STIM1: variants seen among roughly 807,000 people sequenced by gnomAD.
STIM1 encodes the protein stromal interaction molecule 1.
Under a neutral mutation model 74.7 loss-of-function variants are expected in STIM1, and 25 were observed. That is an observed-to-expected ratio of 0.33 (90% confidence interval 0.24 to 0.47). STIM1 has a LOEUF of 0.47. Among genes scored for constraint, STIM1 ranks in the 20% least tolerant of loss-of-function variants. STIM1 has a pLI of 1.00. For synonymous variants in STIM1, 328 were observed against 348.8 expected (o/e 0.94, Z 0.66); for missense variants, 728 against 920.8 (o/e 0.79, Z 2.71).
intron 12 of STIM1, 49 bp from the exon 13 acceptor site, chr11:4,091,233 C>T (rs1284886740): frequency 6.8e-6 from 11 of 1,612,762 alleles, no homozygotes; most frequent in Non-Finnish European, 7.6e-6. Flanking sequence ...TCCCCTATCA[C>T]CTCATCCAAT....
chr11:3,896,797 A>T (rs1212453664), intron 1 of STIM1, among the ~76,000 whole-genome samples: 2 of 152,172 alleles, frequency 1.3e-5, no homozygotes, highest in Non-Finnish European at 2.9e-5. Flanking sequence ...GGGTCTCATC[A>T]CTATAGTACT....
intron 2 of STIM1, among the ~76,000 whole-genome samples, chr11:3,984,849 C>T (rs1392788880): frequency 6.6e-6 from 1 of 152,116 alleles, no homozygotes; most frequent in Admixed American, 6.5e-5. Flanking sequence ...GTGAGAGACA[C>T]AATTATGTAA....
intron 5 of STIM1, among the ~76,000 whole-genome samples, chr11:4,068,009 G>C (rs376582273): frequency 6.6e-6 from 1 of 152,044 alleles, no homozygotes; most frequent in Admixed American, 6.6e-5. Flanking sequence ...TAGTATTTCC[G>C]GACTTTATCT....
At chr11:4,047,645 C>G (rs1196307527) in intron 3 of STIM1, among the ~76,000 whole-genome samples, 2 of 151,656 alleles carry the variant, frequency 1.3e-5, no homozygotes, top group Admixed American at 6.6e-5. Flanking sequence ...AAAACAAAGA[C>G]AAAGACAAAG....
At position 4,037,199 on chromosome 11, in the gene STIM1, G is replaced by T. The variant is rs535499527; in HGVS notation, c.385+13212G>T. On this transcript the variant is annotated intron_variant, in intron 3 of 12. Coordinates refer to ENST00000526596, the MANE Select transcript of STIM1 (RefSeq NM_001382567.1). ...GCCTCCTGAGTAGCTGGAATTACAGGTGTGTCCCACCATCCCTGGCTAGTT... is the reference window on the plus strand; with the variant it reads ...GCCTCCTGAGTAGCTGGAATTACAGTTGTGTCCCACCATCCCTGGCTAGTT... Among the ~76,000 whole-genome samples the T allele has an allele frequency of 9.9e-5, 15 of 152,146 alleles. No individual in the cohort carries two copies. In the South Asian group the frequency reaches 2.7e-3, roughly 27 times the overall value.
chr11:3,923,110 A>T (rs1401651092), intron 1 of STIM1, among the ~76,000 whole-genome samples: 2 of 152,164 alleles, frequency 1.3e-5, no homozygotes, highest in East Asian at 3.9e-4. Flanking sequence ...AAAAAAAAAA[A>T]AAAAACAAAC....
chr11:3,954,950 A>G (rs1243161078), intron 1 of STIM1, among the ~76,000 whole-genome samples: 1 of 152,264 alleles, frequency 6.6e-6, no homozygotes. Context: ...TTGTACATGA[A>G]TACTCATAAT....
At chr11:3,860,652 C>T (rs1025313738) in intron 1 of STIM1, among the ~76,000 whole-genome samples, 1 of 152,146 alleles carries the variant, frequency 6.6e-6, no homozygotes, top group Non-Finnish European at 1.5e-5. Flanking sequence ...GAGATAGAAA[C>T]ATCAGTTAGT....
chr11:4,018,163 A>G (rs950712254), intron 2 of STIM1, among the ~76,000 whole-genome samples: 1 of 152,214 alleles, frequency 6.6e-6, no homozygotes, highest in African/African-American at 2.4e-5. Flanking sequence ...AAAAAATACA[A>G]AATTGGCTGG....
At chr11:4,033,521 C>A (rs1486598082) in intron 3 of STIM1, among the ~76,000 whole-genome samples, 2 of 151,316 alleles carry the variant, frequency 1.3e-5, no homozygotes, top group Non-Finnish European at 2.9e-5. Flanking sequence ...CTTTTTCTTG[C>A]CTGATTGCCT....
At chr11:3,966,944 G>A (rs193044170) in intron 1 of STIM1, among the ~76,000 whole-genome samples, 4 of 152,288 alleles carry the variant, frequency 2.6e-5, no homozygotes, top group East Asian at 3.9e-4. Flanking sequence ...AGATGAGCTC[G>A]GGACCTTCAG....
chr11:3,875,782 T>C (rs1258480864), intron 1 of STIM1, among the ~76,000 whole-genome samples: 3 of 150,230 alleles, frequency 2.0e-5, no homozygotes, highest in Non-Finnish European at 4.4e-5. Flanking sequence ...CAACAAAATA[T>C]AGTTAAAACG....
At chr11:4,023,192 G>C (rs1267285514) in intron 2 of STIM1, among the ~76,000 whole-genome samples, 1 of 152,082 alleles carries the variant, frequency 6.6e-6, no homozygotes, top group Admixed American at 6.6e-5. Context: ...AGCTGGGTCG[G>C]GTGGCACACA....
intron 1 of STIM1, among the ~76,000 whole-genome samples, chr11:3,877,902 C>G (rs898815600): frequency 6.6e-6 from 1 of 152,202 alleles, no homozygotes; most frequent in African/African-American, 2.4e-5. Flanking sequence ...GACACTGATG[C>G]TTTCTCTTCT....
At chr11:3,985,194 TG>T (rs2093547106) in intron 2 of STIM1, among the ~76,000 whole-genome samples, 1 of 152,238 alleles carries the variant, frequency 6.6e-6, no homozygotes, top group Non-Finnish European at 1.5e-5. Flanking sequence ...AGCAGGCTGT[TG>T]TTTTCCTTCC....
Position 4,074,498 on chromosome 11 carries a change from C to T in STIM1, c.792-4C>T, listed in dbSNP as rs200996329. 4.3e-6 allele frequency: 7 copies of T among 1,613,268 alleles called. No homozygotes were observed. The highest frequency in any genetic ancestry group is 1.3e-5 in the African/African-American group (1 of 74,908). Reference sequence around the variant, plus strand: ...TCCTCCAGCTCCCTGCATTGCCCCCCCAGGCTGCACAAGGCCCAGGAGGAG... The same window carrying T: ...TCCTCCAGCTCCCTGCATTGCCCCCTCAGGCTGCACAAGGCCCAGGAGGAG... On this transcript the variant is annotated splice_polypyrimidine_tract_variant and splice_region_variant and intron_variant, in intron 6 of 12. Coordinates refer to ENST00000526596, the MANE Select transcript of STIM1 (RefSeq NM_001382567.1).
intron 3 of STIM1, among the ~76,000 whole-genome samples, chr11:4,036,017 C>T (rs1035996024): frequency 2.0e-5 from 3 of 152,094 alleles, no homozygotes; most frequent in African/African-American, 7.2e-5. Flanking sequence ...TTTCGCTCCT[C>T]CCACTCCCCT....
intron 2 of STIM1, among the ~76,000 whole-genome samples, chr11:4,009,878 T>C (rs2093819125): frequency 6.6e-6 from 1 of 152,166 alleles, no homozygotes; most frequent in South Asian, 2.1e-4. Flanking sequence ...AGTGGTACGA[T>C]CACGGCTTAC....
intron 5 of STIM1, among the ~76,000 whole-genome samples, 171 bp downstream of exon 5, chr11:4,059,567 G>A (rs957903961): frequency 2.0e-5 from 3 of 152,290 alleles, no homozygotes; most frequent in South Asian, 2.1e-4. Context: ...GTCCAGACAC[G>A]TAGCAACATG....
Sources: allele counts gnomAD v4.1 joint callset (sites outside exome capture counted in the v4.1 genomes callset), GRCh38; gene constraint gnomAD v4.1.1; transcripts MANE v1.5; gene names NCBI Gene and HGNC (gene_info 2026-07-23, HGNC 2026-07-21).